The following MTUS2 variants were observed in gnomAD, a reference collection of about 807,000 sequenced individuals.
MTUS2 encodes microtubule associated scaffold protein 2.
MTUS2 carries 40 observed loss-of-function variants against 114.1 expected under a neutral mutation model. The observed-to-expected ratio is 0.35, with a 90% CI of 0.27 to 0.46. The LOEUF is 0.46. MTUS2 is among the 20% of genes least tolerant of loss of function. MTUS2 has a pLI of 1.00. For synonymous variants in MTUS2, 688 were observed against 672.0 expected, an observed-to-expected ratio of 1.02 and a Z score of -0.37; for missense variants, 1,679 against 1,705.4, an observed-to-expected ratio of 0.98 and a Z score of 0.27.
At chr13:28,864,821 C>A (rs1877196762) in intron 2 of MTUS2, among the ~76,000 whole-genome samples, 1 of 152,126 alleles carries the variant, frequency 6.6e-6, no homozygotes, top group Non-Finnish European at 1.5e-5. Context: ...TAAATGTGAA[C>A]CTTGGTTCCA....
At chr13:28,909,189 A>G (rs1030822146) in intron 2 of MTUS2, among the ~76,000 whole-genome samples, 3 of 151,378 alleles carry the variant, frequency 2.0e-5, no homozygotes, top group Non-Finnish European at 4.4e-5. Context: ...TTTTGGTTCC[A>G]TATGAACTTT....
intron 2 of MTUS2, among the ~76,000 whole-genome samples, chr13:28,946,602 G>T (rs1269840133): frequency 6.6e-6 from 1 of 152,170 alleles, no homozygotes; most frequent in Non-Finnish European, 1.5e-5. Context: ...AGAACCGAAA[G>T]TTGTTTTTCA....
chr13:29,154,371 G>A (rs1266052347), intron 5 of MTUS2, among the ~76,000 whole-genome samples: 2 of 152,082 alleles, frequency 1.3e-5, no homozygotes, highest in Non-Finnish European at 1.5e-5. Flanking sequence ...TACCTTTCCT[G>A]TATTATTGCA....
intron 2 of MTUS2, among the ~76,000 whole-genome samples, chr13:28,968,740 T>C (rs946280725): frequency 2.0e-5 from 3 of 152,222 alleles, no homozygotes; most frequent in Non-Finnish European, 4.4e-5. Flanking sequence ...GATTGCTTCT[T>C]TGAAGATTTT....
intron 4 of MTUS2, among the ~76,000 whole-genome samples, chr13:29,074,743 TCTTA>T (rs1374074204): frequency 1.3e-5 from 2 of 152,168 alleles, no homozygotes; most frequent in South Asian, 2.1e-4. Context: ...GTATCTTTGA[TCTTA>T]CTTCTTTATT....
At chr13:29,295,903 T>C (rs980255352) in intron 6 of MTUS2, among the ~76,000 whole-genome samples, 1 of 152,110 alleles carries the variant, frequency 6.6e-6, no homozygotes, top group East Asian at 1.9e-4. Flanking sequence ...GGGAAAAACT[T>C]GCCCCCATGA....
At chr13:29,072,504 G>A (rs750347875) in intron 4 of MTUS2, among the ~76,000 whole-genome samples, 2 of 152,086 alleles carry the variant, frequency 1.3e-5, no homozygotes, top group African/African-American at 2.4e-5. Flanking sequence ...ATGAAAATGC[G>A]TTTTAAGGGC....
chr13:28,874,654 G>T (rs1226785303), intron 2 of MTUS2, among the ~76,000 whole-genome samples: 2 of 152,138 alleles, frequency 1.3e-5, no homozygotes, highest in East Asian at 3.9e-4. Flanking sequence ...CCGTCCAAGA[G>T]GCCAAGGTAG....
At position 28,877,744 on chromosome 13, in the gene MTUS2, A is replaced by G. The variant is rs145585808; in HGVS notation, c.-243+37894A>G. On this transcript the variant is annotated intron_variant, in intron 2 of 15. Transcript: ENST00000612955. Reference sequence around the variant, plus strand: ...TGATCCATAGTAATATGGGATATGTATATTTTATCTCTTGATGCCATAATC... The same window carrying G: ...TGATCCATAGTAATATGGGATATGTGTATTTTATCTCTTGATGCCATAATC... Among the ~76,000 whole-genome samples the G allele has an allele frequency of 2.4e-3, 367 of 152,306 alleles. 1 individual carries two copies. The highest frequency in any genetic ancestry group is 2.7e-3 in the Non-Finnish European group (183 of 68,018).
intron 4 of MTUS2, among the ~76,000 whole-genome samples, chr13:29,059,125 A>G (rs1565984965): frequency 1.3e-5 from 2 of 152,084 alleles, no homozygotes; most frequent in Non-Finnish European, 1.5e-5. Flanking sequence ...GTTTAAAGGT[A>G]AGAAGACACC....
At chr13:29,247,295 C>G (rs1185585680) in intron 5 of MTUS2, among the ~76,000 whole-genome samples, 1 of 152,154 alleles carries the variant, frequency 6.6e-6, no homozygotes, top group Non-Finnish European at 1.5e-5. Flanking sequence ...AATCTAAGAC[C>G]TGAAACCATA....
At chr13:28,840,031 T>TA (rs1019539277) in intron 2 of MTUS2, among the ~76,000 whole-genome samples, 181 bp downstream of exon 2, 4 of 34,314 alleles carry the variant, frequency 1.2e-4, no homozygotes, top group African/African-American at 6.1e-4. Context: ...GAAAGCTTAA[T>TA]TTTTTTTTTT....
chr13:29,198,008 G>A (rs1178184136), intron 5 of MTUS2, among the ~76,000 whole-genome samples: 5 of 151,554 alleles, frequency 3.3e-5, no homozygotes, highest in Non-Finnish European at 5.9e-5. Flanking sequence ...ATTTTCTTCC[G>A]TTCTATAGGT....
chr13:28,905,379 T>C (rs1473571670), intron 2 of MTUS2, among the ~76,000 whole-genome samples: 3 of 151,616 alleles, frequency 2.0e-5, no homozygotes, highest in Non-Finnish European at 2.9e-5. Flanking sequence ...CAGTATGATA[T>C]TGGCTGTGGG....
At chr13:28,917,847 G>A (rs1282171457) in intron 2 of MTUS2, among the ~76,000 whole-genome samples, 1 of 151,640 alleles carries the variant, frequency 6.6e-6, no homozygotes, top group Non-Finnish European at 1.5e-5. Flanking sequence ...TTTTGAGGTA[G>A]TTACTTAAAG....
chr13:29,454,959 T>G (rs61391059), intron 9 of MTUS2, among the ~76,000 whole-genome samples: 9,855 of 152,184 alleles, frequency 0.065, 1,052 homozygotes, highest in African/African-American at 0.22. Flanking sequence ...AGACCAAACA[T>G]GAGGCAACTG....
chr13:29,194,271 A>G (rs61945902), intron 5 of MTUS2, among the ~76,000 whole-genome samples: 5 of 152,164 alleles, frequency 3.3e-5, no homozygotes, highest in South Asian at 2.1e-4. Flanking sequence ...AAAAGCTTCT[A>G]CACAGCAAAA....
At chr13:28,852,772 G>C (rs1049770021) in intron 2 of MTUS2, among the ~76,000 whole-genome samples, 4 of 152,040 alleles carry the variant, frequency 2.6e-5, no homozygotes, top group Non-Finnish European at 5.9e-5. Context: ...GGCTGAGGAG[G>C]GAGAATTGCT....
chr13:29,036,808 T>C (rs1489329127), intron 4 of MTUS2, among the ~76,000 whole-genome samples: 2 of 147,312 alleles, frequency 1.4e-5, no homozygotes, highest in Non-Finnish European at 3.0e-5. Flanking sequence ...AAGTCTGTTT[T>C]ATCAGAGATT....
Sources: gnomAD v4.1 joint callset for allele counts (sites outside exome capture counted in the v4.1 genomes callset) on GRCh38, gnomAD v4.1.1 for gene constraint, MANE v1.5 for transcripts, NCBI Gene and HGNC (gene_info 2026-07-23, HGNC 2026-07-21) for gene names.